Variants in TSNAX observed in about 807,000 individuals in gnomAD.
TSNAX encodes translin associated factor X.
TSNAX carries 12 observed loss-of-function variants against 33.0 expected under a neutral mutation model. The observed-to-expected ratio is 0.36, with a 90% confidence interval of 0.23 to 0.59. TSNAX has a LOEUF of 0.59. TSNAX is among the 20% of genes least tolerant of loss of function. The pLI, the probability that TSNAX is intolerant of heterozygous loss-of-function variation, is 0.74. For missense variants in TSNAX, 267 were observed against 341.3 expected (o/e 0.78, Z 1.72); for synonymous variants, 110 against 117.2 (o/e 0.94, Z 0.40).
At chr1:231,559,099 A>C (rs897743131) in intron 4 of TSNAX, among the ~76,000 whole-genome samples, 5 of 152,152 alleles carry the variant, frequency 3.3e-5, no homozygotes, top group African/African-American at 1.2e-4. Context: ...ACTTGTGAGT[A>C]GCAGGACTCT....
In TSNAX at chr1:231,532,404, G is replaced by A. The variant is rs1658823316; in HGVS notation, c.121+3045G>A. On this transcript the variant is annotated intron_variant, in intron 2 of 5. Coordinates refer to ENST00000366639, the MANE Select transcript of TSNAX (RefSeq NM_005999.3). ...GGCAGGGTCTCACTGTGTTGCCCCT[G>A]CTGGTCTCGAACTCCTGGGCTCAAG... Among the ~76,000 whole-genome samples, 3 of 151,794 alleles carry A rather than the reference G, an allele frequency of 2.0e-5. No individual in the cohort carries two copies. In the South Asian group the frequency reaches 6.2e-4, roughly 32 times the overall value.
At position 231,564,701 on chromosome 1, in the gene TSNAX, G is replaced by A; in HGVS notation, c.669G>A (p.Gln223=). 6.2e-7 allele frequency: 1 copy of A among 1,614,094 alleles called. No individual in the cohort carries two copies. Among genetic ancestry groups the A allele is most frequent in the Non-Finnish European group, 8.5e-7 (1 of 1,180,034 alleles). The change falls in exon 6 of 6, where the codon CAG becomes CAA. Residue 223 remains glutamine (Q), a synonymous_variant. Transcript: ENST00000366639. ...TPFEVSQFLR[Q]VYDGFSFIGN... ...TTGAAGTGAGCCAGTTTTTACGTCA[G>A]GTTTATGATGGGTTTTCATTCATTG...
At position 231,564,596 on chromosome 1, in the gene TSNAX, T is replaced by C; in HGVS notation, c.564T>C (p.Leu188=). 1.2e-6 allele frequency: 2 copies of C among 1,614,132 alleles called. No homozygotes were observed. Among genetic ancestry groups the C allele is most frequent in the South Asian group, 1.1e-5 (1 of 91,082 alleles). The change falls in exon 6 of 6, where the codon CTT becomes CTC. Residue 188 remains leucine, a synonymous_variant. Coordinates refer to ENST00000366639, the MANE Select transcript of TSNAX (RefSeq NM_005999.3). ...WRLRVTPVDY[L]LGVADLTGEL... is the part of the protein sequence containing the mutation. ...TGAGAGTCACACCTGTCGATTACCTTCTGGGAGTGGCTGACTTAACTGGAG... is the reference window on the plus strand; with the variant it reads ...TGAGAGTCACACCTGTCGATTACCTCCTGGGAGTGGCTGACTTAACTGGAG...
At chr1:231,541,128 A>G (rs985955249) in intron 3 of TSNAX, among the ~76,000 whole-genome samples, 5 of 152,136 alleles carry the variant, frequency 3.3e-5, no homozygotes, top group South Asian at 4.1e-4. Context: ...TCTACCATCT[A>G]TTCTTCTCTC....
At chr1:231,528,955 T>C (rs965669573) in intron 1 of TSNAX, 129 bp downstream of exon 1, 29 of 1,269,754 alleles carry the variant, frequency 2.3e-5, no homozygotes, top group Non-Finnish European at 3.1e-5. Flanking sequence ...GCGGCCCCTC[T>C]GTTTCTCTCC....
chr1:231,547,068 G>A (rs1232054649), intron 4 of TSNAX, among the ~76,000 whole-genome samples: 1 of 152,150 alleles, frequency 6.6e-6, no homozygotes, highest in African/African-American at 2.4e-5. Flanking sequence ...TGCCTGATAT[G>A]GTAATTTGAT....
At chr1:231,536,150 CT>C (rs1239110898) in intron 2 of TSNAX, 4 of 152,208 alleles carry the variant, frequency 2.6e-5, no homozygotes, top group Admixed American at 1.3e-4. Context: ...TCTGCCACAG[CT>C]TTCTATTGAT....
chr1:231,540,621 T>C lies in TSNAX; in HGVS notation c.237-1860T>C, dbSNP rs190733126. On this transcript the variant is annotated intron_variant, in intron 3 of 5. Transcript: ENST00000366639. ...CACTTGAAGAGTGTGTATTCTGTTATTGTTAGGTGTAATTAAGTCAGATTG... is the reference window on the plus strand; with the variant it reads ...CACTTGAAGAGTGTGTATTCTGTTACTGTTAGGTGTAATTAAGTCAGATTG... 2.5e-3 allele frequency among the ~76,000 whole-genome samples: 388 copies of C among 152,318 alleles called. 2 individuals are homozygous for C. The highest frequency in any genetic ancestry group is 8.7e-3 in the African/African-American group (361 of 41,570).
chr1:231,542,358 AGTTTTGAGTT>A, intron 3 of TSNAX, 113 bp from the exon 4 acceptor site: 1 of 892,708 alleles, frequency 1.1e-6, no homozygotes, highest in Non-Finnish European at 1.7e-6. Flanking sequence ...AGTTTTGAGT[AGTTTTGAGTT>A]AGAAGTATAT....
At chr1:231,529,577 CAAG>C (rs1658519010) in intron 2 of TSNAX, among the ~76,000 whole-genome samples, 1 of 152,154 alleles carries the variant, frequency 6.6e-6, no homozygotes, top group African/African-American at 2.4e-5. Flanking sequence ...GACTTAAACA[CAAG>C]AAACAGTAAA....
chr1:231,560,414 C>G lies in TSNAX; in HGVS notation c.368-714C>G, dbSNP rs1345522992. Among the ~76,000 whole-genome samples the G allele has an allele frequency of 3.8e-5, 4 of 105,754 alleles. 1 individual carries two copies. The highest frequency in any genetic ancestry group is 7.7e-5 in the Non-Finnish European group (4 of 51,786). The allele number at this position is 105,754 out of a possible 152,430, so 69.4% of individuals were successfully genotyped here. Reference sequence around the variant, plus strand: ...AATAGGCTTTTCTTTTCTCCCCCCCCCCCCTTTTTTTTTTTTTGAGACGAA... The same window carrying G: ...AATAGGCTTTTCTTTTCTCCCCCCCGCCCCTTTTTTTTTTTTTGAGACGAA... On this transcript the variant is annotated intron_variant, in intron 4 of 5. Coordinates refer to ENST00000366639, the MANE Select transcript of TSNAX (RefSeq NM_005999.3).
At chr1:231,549,308 G>A (rs957748320) in intron 4 of TSNAX, among the ~76,000 whole-genome samples, 1 of 152,036 alleles carries the variant, frequency 6.6e-6, no homozygotes, top group Non-Finnish European at 1.5e-5. Flanking sequence ...GCTGGACATG[G>A]TGGCGTGCAC....
At chr1:231,556,837 A>G (rs1412956683) in intron 4 of TSNAX, among the ~76,000 whole-genome samples, 1 of 152,240 alleles carries the variant, frequency 6.6e-6, no homozygotes, top group Admixed American at 6.5e-5. Flanking sequence ...TTTGTGAGTT[A>G]TGACTTAACT....
At chr1:231,547,389 C>CTTTTTTTTTTTTTTTT (rs71179784) in intron 4 of TSNAX, among the ~76,000 whole-genome samples, 12 of 104,692 alleles carry the variant, frequency 1.1e-4, no homozygotes, top group East Asian at 2.6e-4. Context: ...TTTTTTTTTT[C>CTTTTTTTTTTTTTTTT]TTTTTTTTTT....
At chr1:231,554,804 G>C (rs1660582273) in intron 4 of TSNAX, 1 of 152,196 alleles carries the variant, frequency 6.6e-6, no homozygotes, top group African/African-American at 2.4e-5. Flanking sequence ...TGACTGTCAA[G>C]AAGCAGGTAA....
At chr1:231,528,877 C>G (rs758715970) in intron 1 of TSNAX, 51 bp downstream of exon 1, 4 of 1,611,850 alleles carry the variant, frequency 2.5e-6, no homozygotes, top group Non-Finnish European at 3.4e-6. Flanking sequence ...GGGAGGTTCT[C>G]CAGTCTTTCT....
chr1:231,564,308 G>T (rs1661294894), intron 5 of TSNAX, among the ~76,000 whole-genome samples: 1 of 152,122 alleles, frequency 6.6e-6, no homozygotes, highest in Admixed American at 6.5e-5. Context: ...AAGTCATCTG[G>T]TTCATTTCAC....
At chr1:231,560,393 G>T (rs928895888) in intron 4 of TSNAX, among the ~76,000 whole-genome samples, 3 of 141,650 alleles carry the variant, frequency 2.1e-5, no homozygotes, top group Admixed American at 1.4e-4. Context: ...TTATGGAATA[G>T]GCTTTTCTTT....
chr1:231,534,011 G>A (rs1331384104), intron 2 of TSNAX: 1 of 152,158 alleles, frequency 6.6e-6, no homozygotes, highest in Non-Finnish European at 1.5e-5. Flanking sequence ...TCTAGAACAG[G>A]ATCACATATT....
Sources: allele counts gnomAD v4.1 joint callset (sites outside exome capture counted in the v4.1 genomes callset), GRCh38; gene constraint gnomAD v4.1.1; transcripts MANE v1.5; gene names NCBI Gene and HGNC (gene_info 2026-07-23, HGNC 2026-07-21).